The following PVT1 variants were observed in gnomAD, a reference collection of about 807,000 sequenced individuals.
The protein encoded by PVT1 is Pvt1 oncogene, also known as CXCR4/PVT1 fusion.
At chr8:127,900,148 T>C (rs746977011) in intron 3 of PVT1, among the ~76,000 whole-genome samples, 1 of 152,148 alleles carries the variant, frequency 6.6e-6, no homozygotes. Flanking sequence ...TTCAAGCGAT[T>C]CTCCTGCCTC....
intron 3 of PVT1, among the ~76,000 whole-genome samples, chr8:127,943,701 T>A (rs972089423): frequency 6.6e-6 from 1 of 152,200 alleles, no homozygotes; most frequent in Admixed American, 6.5e-5. Flanking sequence ...TATGTGTGTG[T>A]AAAAATCTCC....
At chr8:127,903,821 A>G (rs763510232) in intron 3 of PVT1, among the ~76,000 whole-genome samples, 1 of 152,206 alleles carries the variant, frequency 6.6e-6, no homozygotes, top group Non-Finnish European at 1.5e-5. Flanking sequence ...TGTTTGGGTT[A>G]CTGTAGCCTT....
intron 2 of PVT1, among the ~76,000 whole-genome samples, chr8:127,820,112 G>A (rs777459537): frequency 5.3e-5 from 8 of 152,200 alleles, no homozygotes; most frequent in South Asian, 4.1e-4. Context: ...TGGAAGAGAA[G>A]TATGGGTTCA....
At chr8:127,921,339 TAA>T (rs5894902) in intron 3 of PVT1, among the ~76,000 whole-genome samples, 29 of 150,326 alleles carry the variant, frequency 1.9e-4, no homozygotes, top group African/African-American at 5.1e-4. Flanking sequence ...TTAAAAATGT[TAA>T]AAAAAAAAAG....
intron 4 of PVT1, among the ~76,000 whole-genome samples, chr8:128,032,467 A>G (rs1813403126): frequency 6.6e-6 from 1 of 152,208 alleles, no homozygotes; most frequent in African/African-American, 2.4e-5. Context: ...GCTACCATTC[A>G]TTGAGTTAAG....
At chr8:127,794,959 CA>C (rs1814377253) in intron 1 of PVT1, among the ~76,000 whole-genome samples, 1 of 152,038 alleles carries the variant, frequency 6.6e-6, no homozygotes, top group Non-Finnish European at 1.5e-5. Flanking sequence ...TGCATAGAGG[CA>C]ATTCTGGATT....
intron 4 of PVT1, among the ~76,000 whole-genome samples, chr8:128,051,705 C>T (rs898664705): frequency 2.6e-5 from 4 of 152,004 alleles, no homozygotes; most frequent in African/African-American, 7.2e-5. Flanking sequence ...ATCTTCTGGT[C>T]GATCAAGTCT....
At chr8:127,984,869 CT>C (rs1168506057) in intron 3 of PVT1, among the ~76,000 whole-genome samples, 1 of 73,410 alleles carries the variant, frequency 1.4e-5, no homozygotes, top group Non-Finnish European at 2.8e-5. Context: ...TTCTTTCTTT[CT>C]TTCTTTCTTT....
At chr8:128,039,180 T>C (rs1813501392) in intron 4 of PVT1, among the ~76,000 whole-genome samples, 2 of 152,350 alleles carry the variant, frequency 1.3e-5, no homozygotes, top group East Asian at 3.9e-4. Flanking sequence ...TGGGAAATAG[T>C]AGCTGCTTGG....
chr8:128,015,785 A>AAAAT (rs1554604402), intron 4 of PVT1, among the ~76,000 whole-genome samples: 10 of 148,876 alleles, frequency 6.7e-5, no homozygotes, highest in African/African-American at 2.6e-4. Flanking sequence ...AAAAAAAAAA[A>AAAAT]AAAAAGGTTT....
At chr8:128,039,170 TGG>T (rs1813501220) in intron 4 of PVT1, among the ~76,000 whole-genome samples, 1 of 152,218 alleles carries the variant, frequency 6.6e-6, no homozygotes, top group Admixed American at 6.5e-5. Flanking sequence ...ACTGTTGCCG[TGG>T]GAAATAGTAG....
intron 2 of PVT1, among the ~76,000 whole-genome samples, chr8:127,838,301 G>T (rs1268049647): frequency 6.6e-6 from 1 of 152,136 alleles, no homozygotes; most frequent in Non-Finnish European, 1.5e-5. Flanking sequence ...TACTTGTCTT[G>T]CAAGGCTATG....
intron 3 of PVT1, among the ~76,000 whole-genome samples, chr8:127,930,413 C>A (rs751993803): frequency 6.6e-6 from 1 of 152,186 alleles, no homozygotes; most frequent in Non-Finnish European, 1.5e-5. Flanking sequence ...ACCACCTCGG[C>A]CTCCCAAAGT....
rs141796814 is a variant in PVT1, at chr8:127,829,233, C to T, written n.372+33162C>T. On this transcript the variant is annotated intron_variant and non_coding_transcript_variant, in intron 2 of 10. Transcript: ENST00000651587. ...CAGAGGTTGCAGTGAGCCAAGATCA[C>T]GCCATTGCACTCCAGCCTGGGCAAT... Among the ~76,000 whole-genome samples, 298 of 152,222 alleles carry T rather than the reference C, an allele frequency of 2.0e-3. 1 individual carries two copies. Among genetic ancestry groups the T allele is most frequent in the East Asian group, 0.011 (59 of 5,174 alleles).
intron 4 of PVT1, among the ~76,000 whole-genome samples, chr8:128,007,078 T>C (rs77230164): frequency 0.015 from 2,273 of 152,330 alleles, 56 homozygotes; most frequent in African/African-American, 0.052. Context: ...CAGCACTCTT[T>C]AAAAATGAAA....
At chr8:128,038,225 T>C (rs147397158) in intron 4 of PVT1, among the ~76,000 whole-genome samples, 116 of 152,286 alleles carry the variant, frequency 7.6e-4, no homozygotes, top group Non-Finnish European at 1.4e-3. Context: ...ATTTTGCTGT[T>C]TGGAATTAAG....
At chr8:128,075,252 T>C (rs953532803) in intron 5 of PVT1, among the ~76,000 whole-genome samples, 2 of 152,190 alleles carry the variant, frequency 1.3e-5, no homozygotes, top group African/African-American at 4.8e-5. Context: ...CTCTGATTTC[T>C]TCATTCACCA....
At chr8:128,071,116 C>A (rs1410007749) in intron 5 of PVT1, among the ~76,000 whole-genome samples, 1 of 152,174 alleles carries the variant, frequency 6.6e-6, no homozygotes, top group East Asian at 1.9e-4. Flanking sequence ...AACGGCAATT[C>A]TTTTTGCCAG....
At chr8:127,871,563 A>G (rs1437583960) in intron 2 of PVT1, among the ~76,000 whole-genome samples, 1 of 152,150 alleles carries the variant, frequency 6.6e-6, no homozygotes, top group East Asian at 1.9e-4. Context: ...CGGGTAAAGT[A>G]TGTGACTGCC....
Sources: gnomAD v4.1 joint callset for allele counts (sites outside exome capture counted in the v4.1 genomes callset) on GRCh38, gnomAD v4.1.1 for gene constraint, MANE v1.5 for transcripts, NCBI Gene and HGNC (gene_info 2026-07-23, HGNC 2026-07-21) for gene names.